DPP10: variants seen among roughly 807,000 people sequenced by gnomAD.
DPP10 encodes inactive dipeptidyl peptidase 10.
Under a neutral mutation model 120.9 loss-of-function variants are expected in DPP10, and 33 were observed. The ratio of observed to expected loss-of-function variants is 0.27; its 90% CI spans 0.21 to 0.37. The LOEUF is 0.37. DPP10 is among the 10% of genes least tolerant of loss of function. DPP10 has a pLI of 1.00. For synonymous variants in DPP10, 337 were observed against 326.1 expected (o/e 1.03, Z -0.36); for missense variants, 816 against 942.8 (o/e 0.87, Z 1.76).
intron 5 of DPP10, among the ~76,000 whole-genome samples, chr2:115,681,295 C>T (rs2090634015): frequency 6.6e-6 from 1 of 151,508 alleles, no homozygotes; most frequent in Non-Finnish European, 1.5e-5. Flanking sequence ...ATCTAAATAG[C>T]TATTAATAGG....
intron 1 of DPP10, among the ~76,000 whole-genome samples, chr2:114,912,012 A>G (rs1694405816): frequency 6.6e-6 from 1 of 152,186 alleles, no homozygotes; most frequent in African/African-American, 2.4e-5. Flanking sequence ...AACTTGAGAC[A>G]TGGCCTTAAA....
chr2:115,347,194 C>T (rs1246595479), intron 3 of DPP10, among the ~76,000 whole-genome samples: 1 of 152,056 alleles, frequency 6.6e-6, no homozygotes, highest in Non-Finnish European at 1.5e-5. Context: ...AAATAAAGTA[C>T]GGACAGTGTA....
intron 1 of DPP10, among the ~76,000 whole-genome samples, chr2:115,290,803 T>C (rs1461877031): frequency 6.6e-6 from 1 of 152,128 alleles, no homozygotes; most frequent in East Asian, 1.9e-4. Flanking sequence ...TCTCTAACAC[T>C]CTAGCATTGC....
At chr2:115,716,085 T>TTAA (rs1235941853) in intron 7 of DPP10, among the ~76,000 whole-genome samples, 2 of 152,332 alleles carry the variant, frequency 1.3e-5, no homozygotes, top group African/African-American at 4.8e-5. Flanking sequence ...TGCTGGTAAT[T>TTAA]TCAGCTGAAG....
chr2:115,497,777 A>G (rs927139211), intron 3 of DPP10, among the ~76,000 whole-genome samples: 4 of 152,104 alleles, frequency 2.6e-5, no homozygotes, highest in Non-Finnish European at 1.5e-5. Context: ...AGCTGGCAAG[A>G]CCAAATGAGC....
intron 1 of DPP10, among the ~76,000 whole-genome samples, chr2:114,510,800 C>T (rs777255331): frequency 1.6e-4 from 24 of 152,156 alleles, no homozygotes; most frequent in Non-Finnish European, 2.2e-4. Context: ...TCTGGACAAT[C>T]GAAGAGGTTC....
chr2:114,679,277 A>G (rs77060360), intron 1 of DPP10, among the ~76,000 whole-genome samples: 7,419 of 152,138 alleles, frequency 0.049, 218 homozygotes, highest in South Asian at 0.095. Context: ...TTGGCTTCTA[A>G]TGCAGAGAGT....
At chr2:115,356,105 A>C (rs2064367204) in intron 3 of DPP10, among the ~76,000 whole-genome samples, 1 of 151,768 alleles carries the variant, frequency 6.6e-6, no homozygotes, top group African/African-American at 2.4e-5. Flanking sequence ...AGTCAATGGT[A>C]GTTTGATGGG....
intron 1 of DPP10, among the ~76,000 whole-genome samples, chr2:115,187,959 G>A (rs999884055): frequency 1.2e-4 from 19 of 152,062 alleles, no homozygotes; most frequent in African/African-American, 4.3e-4. Context: ...GGTCAAGGCT[G>A]CAGTGAGCTG....
At chr2:114,769,824 T>C (rs1276945336) in intron 1 of DPP10, among the ~76,000 whole-genome samples, 1 of 152,148 alleles carries the variant, frequency 6.6e-6, no homozygotes, top group Non-Finnish European at 1.5e-5. Flanking sequence ...TGTCTTTTTA[T>C]CTTTCAAGTT....
At chr2:114,625,473 G>A (rs1694440679) in intron 1 of DPP10, among the ~76,000 whole-genome samples, 1 of 151,930 alleles carries the variant, frequency 6.6e-6, no homozygotes, top group Non-Finnish European at 1.5e-5. Context: ...TGACAAAAAA[G>A]CAATATTTTA....
rs531584072 is a variant in DPP10 at position 115,199,289 on chromosome 2, T to C, written c.61-109950T>C. Among the ~76,000 whole-genome samples, 7 of 149,118 alleles carry C rather than the reference T, an allele frequency of 4.7e-5. No homozygotes were observed. The East Asian group carries it at 7.9e-4, about 17-fold the overall frequency. On this transcript the variant is annotated intron_variant, in intron 1 of 25. Transcript: ENST00000410059. ...TATTTATTTGTGTGCATATTATGTA[T>C]GCATTTTTTCTGCTTGGGATCTGTT...
chr2:115,770,668 C>A (rs1681353313), intron 13 of DPP10, among the ~76,000 whole-genome samples: 1 of 152,002 alleles, frequency 6.6e-6, no homozygotes, highest in Non-Finnish European at 1.5e-5. Context: ...ATCACCTTGC[C>A]TCAATTTAAA....
chr2:115,326,547 T>C (rs1201759557), intron 2 of DPP10, among the ~76,000 whole-genome samples: 1 of 151,902 alleles, frequency 6.6e-6, no homozygotes, highest in Non-Finnish European at 1.5e-5. Flanking sequence ...CTTCAGGAGG[T>C]ATTCCAGAAG....
chr2:114,807,749 C>T (rs577084876), intron 1 of DPP10, among the ~76,000 whole-genome samples: 1 of 152,308 alleles, frequency 6.6e-6, no homozygotes, highest in East Asian at 1.9e-4. Flanking sequence ...CTAACTGGCA[C>T]AGAAAGAACT....
chr2:115,654,289 A>G (rs1318639617), intron 5 of DPP10, among the ~76,000 whole-genome samples: 1 of 151,874 alleles, frequency 6.6e-6, no homozygotes, highest in Admixed American at 6.6e-5. Flanking sequence ...AAGAAATCAA[A>G]GCGAATTGCC....
At chr2:115,469,885 A>T in intron 3 of DPP10, among the ~76,000 whole-genome samples, 1 of 103,890 alleles carries the variant, frequency 9.6e-6, no homozygotes, top group Non-Finnish European at 2.2e-5. Flanking sequence ...GCAACAAGAG[A>T]AAAAAAAAAA....
chr2:115,208,302 C>A (rs939257178), intron 1 of DPP10, among the ~76,000 whole-genome samples: 1 of 150,374 alleles, frequency 6.7e-6, no homozygotes, highest in Admixed American at 6.7e-5. Flanking sequence ...TGGGTTTAAG[C>A]GATTCTCCTG....
intron 5 of DPP10, among the ~76,000 whole-genome samples, chr2:115,602,475 TATC>T (rs1318451886): frequency 6.6e-6 from 1 of 152,258 alleles, no homozygotes; most frequent in Non-Finnish European, 1.5e-5. Flanking sequence ...AAGGAAATGA[TATC>T]ATTCAACATT....
Sources: allele counts gnomAD v4.1 joint callset (sites outside exome capture counted in the v4.1 genomes callset), GRCh38; gene constraint gnomAD v4.1.1; transcripts MANE v1.5; gene names NCBI Gene and HGNC (gene_info 2026-07-23, HGNC 2026-07-21).